Variants in DMD observed in about 807,000 individuals in gnomAD.
DMD encodes the protein dystrophin, also known as mutant dystrophin.
Under a neutral mutation model 330.1 loss-of-function variants are expected in DMD, and 63 were observed. The observed-to-expected ratio is 0.19, with a 90% CI of 0.16 to 0.24. The LOEUF (loss-of-function observed/expected upper bound fraction) is 0.24, where lower values mean the gene tolerates loss of function less well. DMD is among the 10% of genes least tolerant of loss of function. The pLI, the probability that DMD is intolerant of heterozygous loss-of-function variation, is 1.00. For synonymous variants in DMD, 1,223 were observed against 959.8 expected (o/e 1.27, Z -5.07); for missense variants, 3,344 against 2,684.1 (o/e 1.25, Z -5.43).
At chrX:32,081,873 T>C (rs2096394202) in intron 44 of DMD, among the ~76,000 whole-genome samples, 1 of 110,678 alleles carries the variant, frequency 9.0e-6, no homozygotes, top group Admixed American at 9.6e-5. Context: ...ATAATAATAA[T>C]AATAACAACA....
intron 33 of DMD, among the ~76,000 whole-genome samples, chrX:32,384,630 C>G (rs2097946121): frequency 9.0e-6 from 1 of 110,631 alleles, no homozygotes; most frequent in Admixed American, 9.6e-5. Context: ...AATTTACTTT[C>G]TATGGTAAGG....
chrX:31,244,698 C>T (rs752693502), intron 63 of DMD, among the ~76,000 whole-genome samples: 1 of 111,884 alleles, frequency 8.9e-6, no homozygotes, highest in Admixed American at 9.5e-5. Context: ...ATTCTATTAT[C>T]TCAAACAACT....
intron 2 of DMD, among the ~76,000 whole-genome samples, chrX:33,003,401 T>C (rs1433218548): frequency 3.6e-5 from 4 of 112,196 alleles, no homozygotes; most frequent in African/African-American, 1.3e-4. Context: ...AAATCTTGTG[T>C]ATTTTGGGGA....
In DMD at chrX:32,327,948, C is replaced by T. The variant is rs925057399; in HGVS notation, c.5922+14152G>A. On this transcript the variant is annotated intron_variant, in intron 41 of 78. Coordinates refer to ENST00000357033, the MANE Select transcript of DMD (RefSeq NM_004006.3). ...ATAAAAAATAAATTTTTTTTCACTT[C>T]TCAAAACTTTTCAGAATACAAATTT... Among the ~76,000 whole-genome samples, 6 of 111,465 alleles carry T rather than the reference C, an allele frequency of 5.4e-5. No homozygotes were observed. The South Asian group carries it at 2.2e-3, about 41-fold the overall frequency.
intron 4 of DMD, among the ~76,000 whole-genome samples, chrX:32,838,721 A>C (rs2079880184): frequency 8.9e-6 from 1 of 112,475 alleles, no homozygotes. Context: ...AATCAAAACC[A>C]CAATGAGATA....
chrX:31,590,973 A>G (rs2076842799), intron 55 of DMD, among the ~76,000 whole-genome samples: 1 of 111,278 alleles, frequency 9.0e-6, no homozygotes. Flanking sequence ...CTCTCAAACT[A>G]CTTTCTAATA....
chrX:32,636,129 T>C (rs5972631), intron 11 of DMD, among the ~76,000 whole-genome samples: 14,826 of 111,707 alleles, frequency 0.13, 2,424 homozygotes, highest in African/African-American at 0.46. Context: ...GACAAAATTA[T>C]ACAGTTTTTA....
At chrX:32,342,929 A>G in intron 40 of DMD, 1 of 479,974 alleles carries the variant, frequency 2.1e-6, no homozygotes, top group Admixed American at 2.8e-5. Context: ...TACATAGTCT[A>G]AAACATTTTA....
chrX:31,485,257 C>T (rs1256994361), intron 57 of DMD, among the ~76,000 whole-genome samples: 1 of 112,271 alleles, frequency 8.9e-6, no homozygotes, highest in African/African-American at 3.2e-5. Context: ...TGCAGTGGCA[C>T]GATCTCGGCT....
chrX:31,315,416 C>T (rs1017418734), intron 62 of DMD, among the ~76,000 whole-genome samples: 1 of 111,601 alleles, frequency 9.0e-6, no homozygotes, highest in Non-Finnish European at 1.9e-5. Flanking sequence ...ATGGCTCAAA[C>T]GAACAGAGTT....
chrX:32,874,997 A>G (rs1027071381), intron 2 of DMD, among the ~76,000 whole-genome samples: 10 of 112,391 alleles, frequency 8.9e-5, no homozygotes, highest in African/African-American at 3.2e-4. Flanking sequence ...CACACAGAGT[A>G]GAAAAATCAA....
At chrX:31,364,278 C>G (rs1216750552) in intron 60 of DMD, among the ~76,000 whole-genome samples, 1 of 112,347 alleles carries the variant, frequency 8.9e-6, no homozygotes, top group Non-Finnish European at 1.9e-5. Flanking sequence ...TTCCACGATT[C>G]CATTCCCCTA....
chrX:32,870,592 A>G (rs887912249), intron 2 of DMD, among the ~76,000 whole-genome samples: 1 of 111,422 alleles, frequency 9.0e-6, no homozygotes, highest in Non-Finnish European at 1.9e-5. Context: ...ATGGAACAGA[A>G]CCAACATCTT....
chrX:32,302,453 C>G (rs2097526914), intron 42 of DMD, among the ~76,000 whole-genome samples: 1 of 111,307 alleles, frequency 9.0e-6, no homozygotes, highest in African/African-American at 3.2e-5. Context: ...TTTGTAAGAT[C>G]CTCTAAGGAA....
chrX:32,098,126 A>C (rs1395524270), intron 44 of DMD, among the ~76,000 whole-genome samples: 1 of 111,960 alleles, frequency 8.9e-6, no homozygotes, highest in African/African-American at 3.2e-5. Flanking sequence ...TGATATATGC[A>C]TATATATGTA....
intron 44 of DMD, among the ~76,000 whole-genome samples, chrX:32,121,620 C>CATATATATATAT (rs10535803): frequency 3.6e-4 from 13 of 36,434 alleles, no homozygotes; most frequent in Admixed American, 5.2e-4. Flanking sequence ...AATATGTGTG[C>CATATATATATAT]ATATATATAT....
At chrX:32,732,654 G>A (rs2067861128) in intron 7 of DMD, among the ~76,000 whole-genome samples, 1 of 110,763 alleles carries the variant, frequency 9.0e-6, no homozygotes, top group Admixed American at 9.6e-5. Flanking sequence ...TTCACATCCA[G>A]GCAAACTAAG....
At position 32,463,455 on chromosome X, in the gene DMD, T is replaced by C. The variant is rs775703095; in HGVS notation, c.3416A>G (p.Asp1139Gly). ...TGTCTATACCTGTTGGCACATGTGA[T>C]CCCACTGAGTGTTAAGTTCTTTGAG... ...TELKELNTQW[D>G]HMCQQVYARK... Residue 1139 changes from aspartate to glycine, a missense_variant, in exon 25 of 79, where the codon GAT becomes GGT. Transcript: ENST00000357033. 8.3e-7 allele frequency: 1 copy of C among 1,207,922 alleles called. No individual in the cohort carries two copies.
intron 43 of DMD, among the ~76,000 whole-genome samples, chrX:32,268,206 T>G (rs1166788239): frequency 4.5e-5 from 5 of 111,196 alleles, no homozygotes; most frequent in Admixed American, 1.9e-4. Flanking sequence ...CCCATTATCT[T>G]GGGCCTGGAC....
Sources: allele counts gnomAD v4.1 joint callset (sites outside exome capture counted in the v4.1 genomes callset), GRCh38; gene constraint gnomAD v4.1.1; transcripts MANE v1.5; gene names NCBI Gene and HGNC (gene_info 2026-07-23, HGNC 2026-07-21).